AKAP1: variants seen among roughly 807,000 people sequenced by gnomAD.
AKAP1 encodes A-kinase anchoring protein 1.
AKAP1 carries 32 observed loss-of-function variants against 79.8 expected under a neutral mutation model. The ratio of observed to expected loss-of-function variants is 0.40; its 90% CI spans 0.30 to 0.54. The LOEUF (loss-of-function observed/expected upper bound fraction) is 0.54, where lower values mean the gene tolerates loss of function less well. AKAP1 is among the 20% of genes least tolerant of loss of function. AKAP1 has a pLI of 0.47. For synonymous variants in AKAP1, 416 were observed against 466.7 expected (o/e 0.89, Z 1.40); for missense variants, 961 against 1,138.9 (o/e 0.84, Z 2.25).
In AKAP1 at chr17:57,119,830, C is replaced by CTTTTTTTTTT. The variant is rs3054874; in HGVS notation, c.2638-409_2638-400dup. On this transcript the variant is annotated intron_variant, in intron 10 of 10. Transcript: ENST00000337714. ...AAGCCATGTCCCCCACCCTGTTACT[C>CTTTTTTTTTT]TTTTTTTTTTTTTTTTTTTTGAGAC... Among the ~76,000 whole-genome samples the CTTTTTTTTTT allele has an allele frequency of 3.8e-3, 264 of 70,300 alleles. 60 individuals carry two copies. The highest frequency in any genetic ancestry group is 6.9e-3 in the African/African-American group (106 of 15,290). 46.1% of individuals were successfully genotyped at this position (70,300 alleles called of 152,430 possible). A position where few individuals can be genotyped will look rare whatever the true frequency, so the allele number is the denominator to read the frequency against.
chr17:57,091,801 G>A (rs1448509486), intron 1 of AKAP1, among the ~76,000 whole-genome samples: 1 of 152,014 alleles, frequency 6.6e-6, no homozygotes, highest in Non-Finnish European at 1.5e-5. Context: ...GGATCCTCCT[G>A]CCTCAGCCTC....
At chr17:57,098,927 AT>A (rs33944971) in intron 1 of AKAP1, among the ~76,000 whole-genome samples, 21,895 of 146,854 alleles carry the variant, frequency 0.15, 2,074 homozygotes, top group South Asian at 0.38. Flanking sequence ...AAGCCCCGCT[AT>A]TTTTTTTTTT....
At chr17:57,088,405 C>G (rs1344058980) in intron 1 of AKAP1, among the ~76,000 whole-genome samples, 2 of 152,102 alleles carry the variant, frequency 1.3e-5, no homozygotes, top group African/African-American at 4.8e-5. Context: ...TGAGAGGATG[C>G]CTCTTTCTTG....
intron 4 of AKAP1, 36 bp from the exon 5 acceptor site, chr17:57,112,455 C>A: frequency 6.2e-7 from 1 of 1,603,124 alleles, no homozygotes; most frequent in Non-Finnish European, 8.5e-7. Context: ...TTTCCTCTTA[C>A]AGTGATTGTA....
chr17:57,116,828 A>C (rs1441060930), intron 7 of AKAP1, 32 bp from the exon 8 acceptor site: 1 of 1,603,756 alleles, frequency 6.2e-7, no homozygotes, highest in Non-Finnish European at 8.5e-7. Flanking sequence ...CTTCATGTCC[A>C]CATTAAACTT....
intron 1 of AKAP1, among the ~76,000 whole-genome samples, chr17:57,089,113 G>T (rs1481935690): frequency 6.6e-6 from 1 of 152,236 alleles, no homozygotes; most frequent in African/African-American, 2.4e-5. Context: ...TGGCCTTCCA[G>T]ATCTTGGTTT....
At chr17:57,112,378 C>T in intron 4 of AKAP1, 113 bp from the exon 5 acceptor site, 1 of 1,350,914 alleles carries the variant, frequency 7.4e-7, no homozygotes, top group Non-Finnish European at 1.0e-6. Flanking sequence ...CAAAGATGCA[C>T]TTGAACTCTA....
At chr17:57,087,298 C>T (rs946014439) in intron 1 of AKAP1, among the ~76,000 whole-genome samples, 3 of 152,198 alleles carry the variant, frequency 2.0e-5, no homozygotes, top group African/African-American at 7.2e-5. Flanking sequence ...GTAGGAATAT[C>T]TCTCCCATCT....
chr17:57,111,888 C>T lies in AKAP1; in HGVS notation c.1939C>T (p.Pro647Ser). ...SGAKIYISTL[P>S]YTQSVQICHI... ...TGCCAAGATCTACATTTCAACCCTGCCTTACACCCAGAGCGTCCAGATCTG... is the reference window on the plus strand; with the variant it reads ...TGCCAAGATCTACATTTCAACCCTGTCTTACACCCAGAGCGTCCAGATCTG... Residue 647 changes from proline (P) to serine (S), a missense_variant, in exon 4 of 11, where the codon CCT becomes TCT. By Grantham distance (74) the Pro-to-Ser change is moderately conservative (BLOSUM62 -1). Around this residue, in one of 3 missense-constraint regions of AKAP1, gnomAD observed 629 missense variants for 781.1 expected, o/e 0.81. Transcript: ENST00000337714. The T allele has an allele frequency of 6.2e-7, 1 of 1,614,102 alleles. No homozygotes were observed. Among genetic ancestry groups the T allele is most frequent in the Non-Finnish European group, 8.5e-7 (1 of 1,180,018 alleles).
At chr17:57,117,499 G>A (rs994524847) in intron 8 of AKAP1, among the ~76,000 whole-genome samples, 2 of 152,204 alleles carry the variant, frequency 1.3e-5, no homozygotes, top group African/African-American at 4.8e-5. Flanking sequence ...TTTATGGCTA[G>A]GAATTTTATA....
chr17:57,090,460 G>C (rs1366799614), intron 1 of AKAP1, among the ~76,000 whole-genome samples: 2 of 150,400 alleles, frequency 1.3e-5, no homozygotes, highest in East Asian at 2.0e-4. Context: ...ACCTGGGCTG[G>C]GGCGTGCTCC....
At chr17:57,103,932 C>A (rs1274468504) in intron 1 of AKAP1, among the ~76,000 whole-genome samples, 1 of 152,156 alleles carries the variant, frequency 6.6e-6, no homozygotes, top group Non-Finnish European at 1.5e-5. Context: ...TAGGCCCTTA[C>A]TATTCCTCCT....
Position 57,107,230 on chromosome 17 carries a change from G to T in AKAP1, c.1714+52G>T, listed in dbSNP as rs546362463. 1,325 of 1,533,186 alleles carry T rather than the reference G, an allele frequency of 8.6e-4. 1 individual carries two copies. Among genetic ancestry groups the T allele is most frequent in the Non-Finnish European group, 9.3e-4 (1,065 of 1,139,972 alleles). 95.0% of individuals were successfully genotyped at this position (1,533,186 alleles called of 1,614,324 possible). A position where few individuals can be genotyped will look rare whatever the true frequency, so the allele number is the denominator to read the frequency against. On this transcript the variant is annotated intron_variant, in intron 2 of 10. Coordinates refer to ENST00000337714, the MANE Select transcript of AKAP1 (RefSeq NM_003488.4). ...GGATGGGGCGCTCCCAGTATTTCTT[G>T]GAGAAAGGCTGCCAGTCTGCCTCTC...
At chr17:57,099,891 G>T (rs557197101) in intron 1 of AKAP1, among the ~76,000 whole-genome samples, 1 of 152,294 alleles carries the variant, frequency 6.6e-6, no homozygotes, top group East Asian at 1.9e-4. Flanking sequence ...GCAGAGGTGC[G>T]TGCTTTGAGT....
chr17:57,087,586 T>C (rs1270043443), intron 1 of AKAP1, among the ~76,000 whole-genome samples: 1 of 152,212 alleles, frequency 6.6e-6, no homozygotes, highest in Non-Finnish European at 1.5e-5. Context: ...GGAGATCATA[T>C]TTGTGATACT....
chr17:57,108,561 G>A (rs1915039065), intron 2 of AKAP1, among the ~76,000 whole-genome samples: 1 of 152,196 alleles, frequency 6.6e-6, no homozygotes, highest in Admixed American at 6.5e-5. Context: ...CTGAGTTTAG[G>A]CTTGAACCTA....
chr17:57,105,229 G>A (rs1268422615), intron 1 of AKAP1, among the ~76,000 whole-genome samples: 1 of 152,168 alleles, frequency 6.6e-6, no homozygotes, highest in African/African-American at 2.4e-5. Context: ...GGAGCATGGA[G>A]GGGAAGATGC....
chr17:57,111,804 G>A lies in AKAP1; in HGVS notation c.1855G>A (p.Val619Ile), dbSNP rs555962205. The change falls in exon 4 of 11, where the codon GTC (valine) becomes ATC (isoleucine). Residue 619 changes from valine (V) to isoleucine (I), a missense_variant. Val to Ile is a conservative substitution (Grantham distance 29). Transcript: ENST00000337714. ...IWEIEVPKHLVGRLIGKQGRY... is the reference protein window; with the variant it reads ...IWEIEVPKHLIGRLIGKQGRY... The stretch of plus-strand genomic sequence containing the variant: ...CTTTTTGTCTTTCTGGAAGCACTTA[G>A]TCGGTCGGCTAATTGGCAAGCAGGG... 7 of 1,614,100 alleles carry A rather than the reference G, an allele frequency of 4.3e-6. No homozygotes were observed. The highest frequency in any genetic ancestry group is 1.3e-5 in the African/African-American group (1 of 75,028).
chr17:57,097,399 A>G (rs959093524), intron 1 of AKAP1, among the ~76,000 whole-genome samples: 2 of 152,228 alleles, frequency 1.3e-5, no homozygotes, highest in Non-Finnish European at 2.9e-5. Context: ...TATTTGAATG[A>G]ATGAGCAAGG....
Sources: allele counts gnomAD v4.1 joint callset (sites outside exome capture counted in the v4.1 genomes callset), GRCh38; gene constraint gnomAD v4.1.1; regional missense constraint gnomAD v4.1.1; transcripts MANE v1.5; gene names NCBI Gene and HGNC (gene_info 2026-07-23, HGNC 2026-07-21).